Variants in AXL observed in about 807,000 individuals in gnomAD.
AXL encodes AXL receptor tyrosine kinase, also known as tyrosine-protein kinase receptor UFO.
Under a neutral mutation model 104.5 loss-of-function variants are expected in AXL, and 52 were observed. The observed-to-expected ratio is 0.50, with a 90% CI of 0.40 to 0.63. AXL has a LOEUF of 0.63. Ranked by LOEUF, AXL falls within the 20% of genes least tolerant of loss-of-function variation. AXL has a pLI of 0.00. For missense variants in AXL, 1,024 were observed against 1,188.5 expected, an observed-to-expected ratio of 0.86 and a Z score of 2.04; for synonymous variants, 455 against 473.7, an observed-to-expected ratio of 0.96 and a Z score of 0.51.
chr19:41,250,044 C>A (rs73045217), intron 14 of AXL, among the ~76,000 whole-genome samples: 2 of 152,120 alleles, frequency 1.3e-5, no homozygotes, highest in Non-Finnish European at 2.9e-5. Flanking sequence ...ACCAGCTATG[C>A]GATCTCAGGC....
At chr19:41,247,028 CTA>C (rs2034283360) in intron 12 of AXL, among the ~76,000 whole-genome samples, 1 of 152,060 alleles carries the variant, frequency 6.6e-6, no homozygotes, top group Non-Finnish European at 1.5e-5. Flanking sequence ...TAAATTAAAA[CTA>C]TTTCATAGAC....
intron 6 of AXL, among the ~76,000 whole-genome samples, chr19:41,232,681 C>G (rs1278119697): frequency 6.6e-6 from 1 of 151,566 alleles, no homozygotes; most frequent in Non-Finnish European, 1.5e-5. Flanking sequence ...ACAAAACTCA[C>G]AGATCTGTAA....
intron 17 of AXL, among the ~76,000 whole-genome samples, chr19:41,254,106 G>T (rs1425797241): frequency 6.6e-6 from 1 of 151,710 alleles, no homozygotes; most frequent in Non-Finnish European, 1.5e-5. Context: ...CAATGGACAA[G>T]CAGAAAATAT....
chr19:41,252,566 G>A (rs1377932844), intron 15 of AXL, 123 bp downstream of exon 15: 5 of 1,175,996 alleles, frequency 4.3e-6, no homozygotes, highest in Non-Finnish European at 6.1e-6. Flanking sequence ...CTCCTTCAGG[G>A]TCAGCAGGCT....
chr19:41,251,727 A>C (rs893276753), intron 14 of AXL, among the ~76,000 whole-genome samples: 5 of 152,028 alleles, frequency 3.3e-5, no homozygotes, highest in Admixed American at 2.0e-4. Flanking sequence ...AAATAAAAAT[A>C]AAAAACAAAA....
intron 12 of AXL, among the ~76,000 whole-genome samples, chr19:41,244,286 T>C (rs759567196): frequency 6.6e-5 from 10 of 151,974 alleles, no homozygotes; most frequent in Non-Finnish European, 1.3e-4. Context: ...ATGATGATGA[T>C]AATGATGAAG....
intron 7 of AXL, 59 bp from the exon 8 acceptor site, chr19:41,238,411 C>G (rs2122235218): frequency 6.3e-7 from 1 of 1,582,816 alleles, no homozygotes; most frequent in Non-Finnish European, 8.6e-7. Context: ...TTCCTGGGAA[C>G]AGGGGAGGGG....
At chr19:41,233,233 G>A (rs562416188) in intron 6 of AXL, among the ~76,000 whole-genome samples, 35 of 151,978 alleles carry the variant, frequency 2.3e-4, no homozygotes, top group Admixed American at 1.8e-3. Context: ...CAAGTGACCC[G>A]CCCACCTCGG....
Position 41,230,208 on chromosome 19 carries a change from T to C in AXL, c.587-759T>C, listed in dbSNP as rs565534104. Among the ~76,000 whole-genome samples, 302 of 151,796 alleles carry C rather than the reference T, an allele frequency of 2.0e-3. 2 individuals are homozygous for C. Among genetic ancestry groups the C allele is most frequent in the African/African-American group, 7.0e-3 (290 of 41,388 alleles). ...GCATATGTGTTTATATGTGTGTGTA[T>C]GAGTATGTGTCTCTGGGGTGTAAGA... On this transcript the variant is annotated intron_variant, in intron 4 of 19. Coordinates refer to ENST00000301178, the MANE Select transcript of AXL (RefSeq NM_021913.5).
chr19:41,239,884 C>T (rs1457223189), intron 10 of AXL, among the ~76,000 whole-genome samples, 164 bp downstream of exon 10: 1 of 152,132 alleles, frequency 6.6e-6, no homozygotes, highest in East Asian at 1.9e-4. Context: ...CCTATAATGG[C>T]CTAGCATAGC....
rs1244833549 is a variant in AXL at position 41,248,734 on chromosome 19, C to A, written c.1634-9C>A. The stretch of plus-strand genomic sequence containing the variant: ...TCTGAGGTCAGTGTCTCCCTCTGGC[C>A]CCCCACAGGAGAGTTTGGAGCTGTG... On this transcript the variant is annotated splice_polypyrimidine_tract_variant and intron_variant, in intron 13 of 19. Transcript: ENST00000301178. The A allele has an allele frequency of 1.2e-6, 2 of 1,613,954 alleles. No homozygotes were observed. The highest frequency in any genetic ancestry group is 1.7e-6 in the Non-Finnish European group (2 of 1,180,008).
intron 7 of AXL, 21 bp from the exon 8 acceptor site, chr19:41,238,448 TC>T: frequency 6.3e-7 from 1 of 1,598,704 alleles, no homozygotes; most frequent in Non-Finnish European, 8.6e-7. Flanking sequence ...GGTGCCAGCT[TC>T]CCCTCTTCCC....
Position 41,231,196 on chromosome 19 carries a change from G to A in AXL, c.681G>A (p.Gln227=). ...GTTTGTCCACAGTGCTCCCCCAGCA[G>A]CCCCGTAACCTCCACCTGGTCTCCC... is the stretch of plus-strand genomic sequence containing the variant. ...RTATITVLPQ[Q]PRNLHLVSRQ... is the part of the protein sequence containing the mutation. The change falls in exon 6 of 20, where the codon CAG becomes CAA. Residue 227 remains glutamine, a synonymous_variant. Coordinates refer to ENST00000301178, the MANE Select transcript of AXL (RefSeq NM_021913.5). The A allele has an allele frequency of 6.2e-7, 1 of 1,613,072 alleles. No homozygotes were observed. Among genetic ancestry groups the A allele is most frequent in the Non-Finnish European group, 8.5e-7 (1 of 1,179,454 alleles).
At chr19:41,252,528 A>T in intron 15 of AXL, 85 bp downstream of exon 15, 1 of 1,467,248 alleles carries the variant, frequency 6.8e-7, no homozygotes, top group Non-Finnish European at 9.5e-7. Context: ...CCCTGGGAAG[A>T]TCAAACTTCC....
chr19:41,223,155 C>T (rs902623377), intron 4 of AXL, among the ~76,000 whole-genome samples: 3 of 151,586 alleles, frequency 2.0e-5, no homozygotes, highest in South Asian at 2.1e-4. Flanking sequence ...ATTAGCCAGG[C>T]GTGGTGACGG....
Position 41,220,806 on chromosome 19 carries a change from G to A in AXL, c.256G>A (p.Val86Met). The A allele has an allele frequency of 1.9e-6, 3 of 1,614,110 alleles. No individual in the cohort carries two copies. Among genetic ancestry groups the A allele is most frequent in the Non-Finnish European group, 2.5e-6 (3 of 1,180,010 alleles). Residue 86 changes from valine (V) to methionine (M), a missense_variant, in exon 2 of 20, where the codon GTG becomes ATG. Physicochemically the swap from Val to Met is conservative, Grantham distance 21 (BLOSUM62 1). Transcript: ENST00000301178. ...GCTCGCGGACAGCACCCAGACCCAG[G>A]TGCCCCTGGGTGAGGATGAACAGGA... ...LELADSTQTQ[V>M]PLGEDEQDDW...
chr19:41,231,103 G>GCC (rs2033979804), intron 5 of AXL, 56 bp downstream of exon 5: 1 of 1,611,458 alleles, frequency 6.2e-7, no homozygotes, highest in Admixed American at 1.7e-5. Flanking sequence ...TTGGGTCCGG[G>GCC]GTCAGAGTGG....
At chr19:41,249,301 A>G (rs748079001) in intron 14 of AXL, among the ~76,000 whole-genome samples, 8 of 152,050 alleles carry the variant, frequency 5.3e-5, no homozygotes, top group Non-Finnish European at 8.8e-5. Flanking sequence ...AATAGTAACA[A>G]AAAATTAGCT....
rs956993624 is a variant in AXL at position 41,260,499 on chromosome 19, A to G, written c.*595A>G. The G allele has an allele frequency of 6.6e-6, 1 of 151,808 alleles. No individual in the cohort carries two copies. The highest frequency in any genetic ancestry group is 2.4e-5 in the African/African-American group (1 of 41,154). 9.4% of individuals were successfully genotyped at this position (151,808 alleles called of 1,614,324 possible). A position where few individuals can be genotyped will look rare whatever the true frequency, so the allele number is the denominator to read the frequency against. On this transcript the variant is annotated 3_prime_UTR_variant, in exon 20 of 20. Transcript: ENST00000301178. The stretch of plus-strand genomic sequence containing the variant: ...GCTAATTTTTATATTTTTAGTAGAG[A>G]CAGGGTTTCACCATGTTGGCCAGGC...
Sources: gnomAD v4.1 joint callset for allele counts (sites outside exome capture counted in the v4.1 genomes callset) on GRCh38, gnomAD v4.1.1 for gene constraint, MANE v1.5 for transcripts, NCBI Gene and HGNC (gene_info 2026-07-23, HGNC 2026-07-21) for gene names.